The following PDZRN4 variants were observed in gnomAD, a reference collection of about 807,000 sequenced individuals.
PDZRN4 encodes PDZ domain containing ring finger 4.
PDZRN4 carries 70 observed loss-of-function variants against 99.0 expected under a neutral mutation model. The ratio of observed to expected loss-of-function variants is 0.71; its 90% CI spans 0.58 to 0.86. PDZRN4 has a LOEUF of 0.86. Ranked by LOEUF, PDZRN4 falls within the 40% of genes least tolerant of loss-of-function variation. The probability of loss-of-function intolerance (pLI) is 0.00; values close to 1 mark genes in which losing one functional copy is unlikely to be tolerated. For synonymous variants in PDZRN4, 551 were observed against 501.6 expected (o/e 1.10, Z -1.32); for missense variants, 1,474 against 1,331.2 (o/e 1.11, Z -1.67).
chr12:41,390,061 G>A (rs958138604), intron 3 of PDZRN4, among the ~76,000 whole-genome samples: 3 of 152,106 alleles, frequency 2.0e-5, no homozygotes, highest in Non-Finnish European at 4.4e-5. Context: ...TGCAAAGTAA[G>A]GGTGGTAAAT....
At chr12:41,200,826 T>C (rs1166463311) in intron 3 of PDZRN4, among the ~76,000 whole-genome samples, 2 of 152,096 alleles carry the variant, frequency 1.3e-5, no homozygotes, top group Non-Finnish European at 2.9e-5. Context: ...GCAACATTTA[T>C]TTCCAGGAAA....
intron 5 of PDZRN4, among the ~76,000 whole-genome samples, chr12:41,524,830 GGTAA>G (rs1341120485): frequency 6.6e-6 from 1 of 152,128 alleles, no homozygotes; most frequent in Non-Finnish European, 1.5e-5. Flanking sequence ...AGAGAAAGGT[GGTAA>G]GTAAGAGGTG....
intron 5 of PDZRN4, among the ~76,000 whole-genome samples, chr12:41,551,983 C>A (rs947636147): frequency 1.3e-5 from 2 of 152,148 alleles, no homozygotes; most frequent in African/African-American, 2.4e-5. Context: ...CCATGTGTTT[C>A]AGTAAATGTA....
chr12:41,418,436 G>A (rs1003929499), intron 3 of PDZRN4, among the ~76,000 whole-genome samples: 1 of 152,080 alleles, frequency 6.6e-6, no homozygotes, highest in African/African-American at 2.4e-5. Context: ...GTAATAGGAG[G>A]TAGTACCTAC....
At chr12:41,195,008 A>G (rs1277933298) in intron 3 of PDZRN4, among the ~76,000 whole-genome samples, 1 of 152,138 alleles carries the variant, frequency 6.6e-6, no homozygotes, top group African/African-American at 2.4e-5. Context: ...AGAAAAAGAG[A>G]AATACCTTTT....
At chr12:41,549,353 T>C (rs1227105004) in intron 5 of PDZRN4, among the ~76,000 whole-genome samples, 2 of 152,214 alleles carry the variant, frequency 1.3e-5, no homozygotes, top group Non-Finnish European at 2.9e-5. Flanking sequence ...GCAGAATTCC[T>C]TTCAGATAAT....
intron 3 of PDZRN4, among the ~76,000 whole-genome samples, chr12:41,329,051 T>G (rs1247827189): frequency 1.3e-5 from 2 of 152,170 alleles, no homozygotes; most frequent in African/African-American, 4.8e-5. Flanking sequence ...GGGTTTGGAC[T>G]TGTTCCTCAC....
chr12:41,506,152 C>T (rs755762658), intron 3 of PDZRN4, among the ~76,000 whole-genome samples: 18 of 151,940 alleles, frequency 1.2e-4, no homozygotes, highest in Non-Finnish European at 2.2e-4. Flanking sequence ...CTGAAGACTT[C>T]GGTGACCCTT....
At chr12:41,229,519 C>A (rs1392248530) in intron 3 of PDZRN4, among the ~76,000 whole-genome samples, 1 of 151,984 alleles carries the variant, frequency 6.6e-6, no homozygotes, top group African/African-American at 2.4e-5. Context: ...TGACCCAGAC[C>A]CCACTCCCTC....
chr12:41,353,948 A>T (rs567771093), intron 3 of PDZRN4, among the ~76,000 whole-genome samples: 2 of 152,224 alleles, frequency 1.3e-5, no homozygotes, highest in East Asian at 3.9e-4. Flanking sequence ...AAGCATTTTG[A>T]GTAGTAGGAT....
intron 3 of PDZRN4, among the ~76,000 whole-genome samples, chr12:41,195,614 A>G (rs1950766188): frequency 6.6e-6 from 1 of 152,154 alleles, no homozygotes; most frequent in Non-Finnish European, 1.5e-5. Flanking sequence ...CAAAAAAAAA[A>G]CTTTGATTTA....
At chr12:41,532,405 G>T (rs1452514265) in intron 5 of PDZRN4, among the ~76,000 whole-genome samples, 5 of 151,950 alleles carry the variant, frequency 3.3e-5, no homozygotes, top group Non-Finnish European at 7.4e-5. Flanking sequence ...TTGTCGTTTG[G>T]TAGTTCATAT....
chr12:41,246,007 A>G (rs1951131556), intron 3 of PDZRN4, among the ~76,000 whole-genome samples: 1 of 152,222 alleles, frequency 6.6e-6, no homozygotes, highest in African/African-American at 2.4e-5. Context: ...CTAGGGAGAC[A>G]AAAGCCATCT....
At chr12:41,198,890 C>T (rs1950796277) in intron 3 of PDZRN4, among the ~76,000 whole-genome samples, 1 of 152,078 alleles carries the variant, frequency 6.6e-6, no homozygotes, top group Non-Finnish European at 1.5e-5. Flanking sequence ...CGCCAGACTA[C>T]CAACTACACT....
chr12:41,531,155 T>G (rs1398527374), intron 5 of PDZRN4, among the ~76,000 whole-genome samples: 2 of 152,164 alleles, frequency 1.3e-5, no homozygotes, highest in Admixed American at 6.5e-5. Context: ...TGCCTTGGTG[T>G]ACCTGAAGAA....
chr12:41,502,943 T>A (rs1209300832), intron 3 of PDZRN4, among the ~76,000 whole-genome samples: 1 of 152,188 alleles, frequency 6.6e-6, no homozygotes, highest in Non-Finnish European at 1.5e-5. Context: ...CCTAGAGGGT[T>A]AACTGTAGAT....
chr12:41,519,990 C>T (rs1938467122), intron 5 of PDZRN4, among the ~76,000 whole-genome samples: 1 of 152,098 alleles, frequency 6.6e-6, no homozygotes, highest in African/African-American at 2.4e-5. Flanking sequence ...CGCTGTGCTT[C>T]TGCACACACA....
At chr12:41,393,630 AAAC>A (rs1386134027) in intron 3 of PDZRN4, among the ~76,000 whole-genome samples, 7 of 152,220 alleles carry the variant, frequency 4.6e-5, no homozygotes, top group African/African-American at 1.4e-4. Context: ...CAACAATTTA[AAAC>A]AACAACTATT....
At chr12:41,439,065 A>G (rs1565582947) in intron 3 of PDZRN4, among the ~76,000 whole-genome samples, 3 of 152,158 alleles carry the variant, frequency 2.0e-5, no homozygotes, top group Non-Finnish European at 4.4e-5. Flanking sequence ...TTTGCTACAC[A>G]TGAAACAGCC....
Sources: gnomAD v4.1 joint callset for allele counts (sites outside exome capture counted in the v4.1 genomes callset) on GRCh38, gnomAD v4.1.1 for gene constraint, MANE v1.5 for transcripts, NCBI Gene and HGNC (gene_info 2026-07-23, HGNC 2026-07-21) for gene names.